MAP2K1: variants seen among roughly 807,000 people sequenced by gnomAD.
MAP2K1 encodes dual specificity mitogen-activated protein kinase kinase 1.
A neutral mutation model predicts 46.3 loss-of-function variants in MAP2K1; 16 were observed. The observed-to-expected ratio is 0.35, with a 90% CI of 0.23 to 0.52. The LOEUF is 0.52. Among genes scored for constraint, MAP2K1 ranks in the 20% least tolerant of loss-of-function variants. The probability of loss-of-function intolerance (pLI) is 0.94; values close to 1 mark genes in which losing one functional copy is unlikely to be tolerated. For synonymous variants in MAP2K1, 183 were observed against 185.6 expected, an observed-to-expected ratio of 0.99 and a Z score of 0.11; for missense variants, 263 against 497.1, an observed-to-expected ratio of 0.53 and a Z score of 4.48.
chr15:66,449,026 AAAC>A lies in MAP2K1; in HGVS notation c.568+4329_568+4331del, dbSNP rs1567014209. On this transcript the variant is annotated intron_variant, in intron 5 of 10. Transcript: ENST00000307102. ...CTCAAAAAAAAAAAAAAAAAAAAAA[AAAC>A]AACAACAACCAAAAACATTCAGAGA... Among the ~76,000 whole-genome samples the A allele has an allele frequency of 9.4e-5, 14 of 149,514 alleles. No homozygotes were observed. The East Asian group carries it at 1.6e-3, about 17-fold the overall frequency.
intron 8 of MAP2K1, chr15:66,488,835 G>C: frequency 3.5e-6 from 1 of 289,698 alleles, no homozygotes; most frequent in South Asian, 4.2e-5. Flanking sequence ...CGCACTCCAA[G>C]ATTTACCATT....
At chr15:66,425,761 C>T (rs1414975269) in intron 1 of MAP2K1, among the ~76,000 whole-genome samples, 1 of 152,166 alleles carries the variant, frequency 6.6e-6, no homozygotes, top group Non-Finnish European at 1.5e-5. Context: ...TAACAATATC[C>T]CACTTCATAG....
chr15:66,435,331 T>C (rs1302767059), intron 2 of MAP2K1, 94 bp downstream of exon 2: 35 of 1,013,612 alleles, frequency 3.5e-5, no homozygotes, highest in Non-Finnish European at 4.0e-5. Context: ...TTTTACTCAA[T>C]ACCTTTTTGT....
At chr15:66,433,391 T>A (rs2093479685) in intron 1 of MAP2K1, among the ~76,000 whole-genome samples, 1 of 152,190 alleles carries the variant, frequency 6.6e-6, no homozygotes, top group Admixed American at 6.5e-5. Flanking sequence ...GGTGCCAGCA[T>A]GGTTGGGTTT....
At chr15:66,425,104 C>G (rs1391191011) in intron 1 of MAP2K1, among the ~76,000 whole-genome samples, 1 of 152,082 alleles carries the variant, frequency 6.6e-6, no homozygotes, top group Non-Finnish European at 1.5e-5. Flanking sequence ...CCTCCCGTCT[C>G]CATCTTTAGC....
chr15:66,476,763 C>CG (rs1350287326), intron 5 of MAP2K1, among the ~76,000 whole-genome samples: 5 of 151,886 alleles, frequency 3.3e-5, no homozygotes, highest in Non-Finnish European at 4.4e-5. Context: ...TCTGTGTAGG[C>CG]GGGGGGAGGG....
At chr15:66,408,508 TA>T (rs1566998566) in intron 1 of MAP2K1, among the ~76,000 whole-genome samples, 1 of 152,074 alleles carries the variant, frequency 6.6e-6, no homozygotes. Flanking sequence ...CCCAAGAGTT[TA>T]AGGAAGATTT....
chr15:66,487,506 G>A (rs549842693), intron 8 of MAP2K1, among the ~76,000 whole-genome samples: 2 of 152,154 alleles, frequency 1.3e-5, no homozygotes, highest in South Asian at 2.1e-4. Flanking sequence ...GGGCATGGTG[G>A]TGCACGTCTG....
chr15:66,476,447 G>A (rs1031154106), intron 5 of MAP2K1, among the ~76,000 whole-genome samples: 2 of 152,154 alleles, frequency 1.3e-5, no homozygotes, highest in Non-Finnish European at 2.9e-5. Context: ...GTTGGGAAGG[G>A]GATTCAGAAG....
rs1031049111 is a variant in MAP2K1, at chr15:66,386,986, G to A, written c.-362G>A. On this transcript the variant is annotated 5_prime_UTR_variant, in exon 1 of 11. Coordinates refer to ENST00000307102, the MANE Select transcript of MAP2K1 (RefSeq NM_002755.4). The stretch of plus-strand genomic sequence containing the variant: ...GGCACTTTCCCCGGCAGGAGCTGGA[G>A]CTGGGCTCTGGTGCGCGCGCGGCTG... 1 of 278,114 alleles carries A rather than the reference G, an allele frequency of 3.6e-6. No individual in the cohort carries two copies. Among genetic ancestry groups the A allele is most frequent in the African/African-American group, 2.2e-5 (1 of 46,454 alleles). 17.2% of individuals were successfully genotyped at this position (278,114 alleles called of 1,614,324 possible).
At chr15:66,396,984 C>T (rs183877730) in intron 1 of MAP2K1, among the ~76,000 whole-genome samples, 6 of 146,480 alleles carry the variant, frequency 4.1e-5, no homozygotes, top group African/African-American at 1.3e-4. Context: ...CATGCCTGGC[C>T]TGTAACGCTT....
rs753352034 is a variant in MAP2K1, at chr15:66,490,473, AC to A, written c.1069-27del. On this transcript the variant is annotated intron_variant, in intron 10 of 10. Coordinates refer to ENST00000307102, the MANE Select transcript of MAP2K1 (RefSeq NM_002755.4). ...TTTTGTTTTTTTGTTTCTTTTTAAC[AC>A]CACGTCCTCTCGTTTCCTTACATGC... The A allele has an allele frequency of 3.6e-5, 54 of 1,489,556 alleles. No homozygotes were observed. The African/African-American group carries it at 7.3e-4, about 20-fold the overall frequency. The allele number at this position is 1,489,556 out of a possible 1,614,324, so 92.3% of individuals were successfully genotyped here.
chr15:66,433,086 T>C (rs1448487240), intron 1 of MAP2K1, among the ~76,000 whole-genome samples: 5 of 151,646 alleles, frequency 3.3e-5, no homozygotes, highest in Non-Finnish European at 7.4e-5. Flanking sequence ...AGCTGTGGGG[T>C]CCATCTACAT....
intron 5 of MAP2K1, among the ~76,000 whole-genome samples, chr15:66,452,380 C>T (rs552587925): frequency 4.7e-5 from 7 of 150,284 alleles, no homozygotes; most frequent in Non-Finnish European, 1.0e-4. Flanking sequence ...TTTCTACTGA[C>T]AAGAAAGTAT....
intron 3 of MAP2K1, 62 bp downstream of exon 3, chr15:66,436,954 A>G: frequency 2.1e-5 from 34 of 1,587,856 alleles, no homozygotes; most frequent in Non-Finnish European, 2.8e-5. Context: ...CTCTGGCCTA[A>G]TCTTTGGTCT....
intron 5 of MAP2K1, among the ~76,000 whole-genome samples, chr15:66,463,952 C>T (rs1163620541): frequency 6.6e-6 from 1 of 152,180 alleles, no homozygotes; most frequent in Non-Finnish European, 1.5e-5. Context: ...TCTGATTAGC[C>T]TCTCCAGAGG....
intron 1 of MAP2K1, among the ~76,000 whole-genome samples, chr15:66,402,431 T>C (rs2093384314): frequency 6.6e-6 from 1 of 152,262 alleles, no homozygotes; most frequent in South Asian, 2.1e-4. Context: ...CCTTGGTCTT[T>C]ATGATATTTT....
At chr15:66,468,377 A>G (rs560582630) in intron 5 of MAP2K1, among the ~76,000 whole-genome samples, 1 of 152,334 alleles carries the variant, frequency 6.6e-6, no homozygotes, top group South Asian at 2.1e-4. Flanking sequence ...ATTGAAGGAC[A>G]CAACTCTTTG....
chr15:66,444,959 C>G (rs940068157), intron 5 of MAP2K1: 52 of 511,330 alleles, frequency 1.0e-4, no homozygotes, highest in African/African-American at 9.6e-4. Flanking sequence ...AGCTAAGAGC[C>G]TCAACCAGCA....
Sources: allele counts gnomAD v4.1 joint callset (sites outside exome capture counted in the v4.1 genomes callset), GRCh38; gene constraint gnomAD v4.1.1; transcripts MANE v1.5; gene names NCBI Gene and HGNC (gene_info 2026-07-23, HGNC 2026-07-21).